TEK: variants seen among roughly 807,000 people sequenced by gnomAD.
TEK encodes angiopoietin-1 receptor.
Under a neutral mutation model 131.8 loss-of-function variants are expected in TEK, and 43 were observed. That is an observed-to-expected ratio of 0.33 (90% confidence interval 0.26 to 0.42). The LOEUF is 0.42. Among genes scored for constraint, TEK ranks in the 10% least tolerant of loss-of-function variants. TEK has a pLI of 1.00. For synonymous variants in TEK, 580 were observed against 491.6 expected, an observed-to-expected ratio of 1.18 and a Z score of -2.38; for missense variants, 1,162 against 1,384.4, an observed-to-expected ratio of 0.84 and a Z score of 2.55.
intron 8 of TEK, among the ~76,000 whole-genome samples, chr9:27,184,635 G>A (rs1361551288): frequency 6.6e-6 from 1 of 152,146 alleles, no homozygotes; most frequent in Non-Finnish European, 1.5e-5. Flanking sequence ...ATTTAGTAAG[G>A]TTGGCCATAA....
At chr9:27,130,626 C>A (rs1458054250) in intron 1 of TEK, among the ~76,000 whole-genome samples, 4 of 121,850 alleles carry the variant, frequency 3.3e-5, no homozygotes, top group African/African-American at 1.2e-4. Flanking sequence ...GATTAAAGTA[C>A]TTTTTTTTTT....
intron 18 of TEK, 53 bp from the exon 19 acceptor site, chr9:27,217,635 G>A (rs1483165935): frequency 7.2e-6 from 11 of 1,534,870 alleles, no homozygotes; most frequent in Non-Finnish European, 9.9e-6. Flanking sequence ...CAGGCTGAGA[G>A]CCTCTTAAAG....
At chr9:27,153,520 G>A (rs1050025716) in intron 1 of TEK, among the ~76,000 whole-genome samples, 1 of 152,196 alleles carries the variant, frequency 6.6e-6, no homozygotes, top group Non-Finnish European at 1.5e-5. Flanking sequence ...CTTATAAGAT[G>A]TATGATATTA....
At chr9:27,227,144 T>C (rs1442893921) in intron 21 of TEK, among the ~76,000 whole-genome samples, 1 of 152,196 alleles carries the variant, frequency 6.6e-6, no homozygotes, top group Non-Finnish European at 1.5e-5. Context: ...AAGCCAATGG[T>C]TGATAGCCTT....
rs112434503 is a variant in TEK, at chr9:27,207,127, G to C, written c.2575+335G>C. Among the ~76,000 whole-genome samples the C allele has an allele frequency of 9.8e-3, 1,489 of 152,334 alleles. 14 individuals carry two copies. The highest frequency in any genetic ancestry group is 0.015 in the Non-Finnish European group (1,052 of 68,024). On this transcript the variant is annotated intron_variant, in intron 15 of 22. Coordinates refer to ENST00000380036, the MANE Select transcript of TEK (RefSeq NM_000459.5). Reference sequence around the variant, plus strand: ...AGTGTGCATCAGAATCACCTGGAAGGCTTGTTTAAAAACAGGCTGTTGGGC... The same window carrying C: ...AGTGTGCATCAGAATCACCTGGAAGCCTTGTTTAAAAACAGGCTGTTGGGC...
At chr9:27,204,031 T>C (rs1346013609) in intron 13 of TEK, among the ~76,000 whole-genome samples, 2 of 152,210 alleles carry the variant, frequency 1.3e-5, no homozygotes, top group African/African-American at 2.4e-5. Flanking sequence ...GGTCACACTC[T>C]TAGTGAATGC....
intron 2 of TEK, among the ~76,000 whole-genome samples, chr9:27,160,836 G>C (rs199897389): frequency 6.6e-6 from 1 of 152,230 alleles, no homozygotes; most frequent in East Asian, 1.9e-4. Context: ...GTTGAGGGAA[G>C]AGAGGTTGAA....
chr9:27,222,518 T>C (rs1413653717), intron 21 of TEK, among the ~76,000 whole-genome samples: 2 of 152,188 alleles, frequency 1.3e-5, no homozygotes, highest in African/African-American at 4.8e-5. Flanking sequence ...TAGACCTCTC[T>C]GTAGAAACCC....
intron 11 of TEK, among the ~76,000 whole-genome samples, 153 bp downstream of exon 11, chr9:27,192,776 C>T (rs916552158): frequency 6.6e-6 from 1 of 152,084 alleles, no homozygotes; most frequent in Non-Finnish European, 1.5e-5. Context: ...GGGAAAGTGA[C>T]AGGAAGGCTA....
intron 21 of TEK, among the ~76,000 whole-genome samples, chr9:27,223,936 C>T (rs1414690958): frequency 1.3e-5 from 2 of 152,196 alleles, no homozygotes; most frequent in East Asian, 3.8e-4. Flanking sequence ...GATATCACCA[C>T]TGATCCCACA....
At chr9:27,213,951 G>GA (rs2131230756) in intron 18 of TEK, among the ~76,000 whole-genome samples, 1 of 152,130 alleles carries the variant, frequency 6.6e-6, no homozygotes. Context: ...ACACAGCAAG[G>GA]AAAAAAATTA....
intron 1 of TEK, among the ~76,000 whole-genome samples, chr9:27,137,598 T>TA (rs1822519373): frequency 6.6e-6 from 1 of 152,154 alleles, no homozygotes; most frequent in Non-Finnish European, 1.5e-5. Flanking sequence ...TTATATTTCC[T>TA]AATAAAAATC....
At chr9:27,113,183 C>G (rs1157417734) in intron 1 of TEK, among the ~76,000 whole-genome samples, 2 of 152,216 alleles carry the variant, frequency 1.3e-5, no homozygotes, top group Non-Finnish European at 2.9e-5. Context: ...TTTAATTTCT[C>G]TAAGCCACAT....
Position 27,229,641 on chromosome 9 carries a change from C to G in TEK, c.*409C>G, listed in dbSNP as rs1826484559. ...AGTAAAATATTGTTAATAAACCTAA[C>G]AATGACCCTGATAGTACAGGTTAAG... On this transcript the variant is annotated 3_prime_UTR_variant, in exon 23 of 23. Coordinates refer to ENST00000380036, the MANE Select transcript of TEK (RefSeq NM_000459.5). 1 of 244,272 alleles carries G rather than the reference C, an allele frequency of 4.1e-6. No individual in the cohort carries two copies. Among genetic ancestry groups the G allele is most frequent in the Non-Finnish European group, 8.1e-6 (1 of 123,140 alleles). The allele number at this position is 244,272 out of a possible 1,614,324, so 15.1% of individuals were successfully genotyped here.
intron 1 of TEK, among the ~76,000 whole-genome samples, chr9:27,110,638 T>C (rs575383415): frequency 6.6e-6 from 1 of 152,306 alleles, no homozygotes; most frequent in African/African-American, 2.4e-5. Context: ...TTGATTCGAG[T>C]ATACATAAGT....
rs569588836 is a variant in TEK, at chr9:27,150,662, G to A, written c.53-7169G>A. 1.8e-4 allele frequency among the ~76,000 whole-genome samples: 27 copies of A among 152,192 alleles called. No individual in the cohort carries two copies. The South Asian group carries it at 4.6e-3, about 26-fold the overall frequency. On this transcript the variant is annotated intron_variant, in intron 1 of 22. Transcript: ENST00000380036. Reference sequence around the variant, plus strand: ...CCAAGCAGTCTGTAAAACCTCTTCCGGTGTAAACAATCCTTGATTTGATGG... The same window carrying A: ...CCAAGCAGTCTGTAAAACCTCTTCCAGTGTAAACAATCCTTGATTTGATGG...
chr9:27,220,067 G>T lies in TEK; in HGVS notation c.3122G>T (p.Gly1041Val). ...CTTCCAGGAGGCACACCCTACTGCGGGATGACTTGTGCAGAACTCTACGAG... is the reference window on the plus strand; with the variant it reads ...CTTCCAGGAGGCACACCCTACTGCGTGATGACTTGTGCAGAACTCTACGAG... Reference protein sequence around the residue: ...IVSLGGTPYCGMTCAELYEKL... With the variant: ...IVSLGGTPYCVMTCAELYEKL... The change falls in exon 21 of 23, where the codon GGG becomes GTG. Residue 1041 changes from glycine (G) to valine (V), a missense_variant. Around this residue, in one of 6 missense-constraint regions of TEK, gnomAD observed 107 missense variants for 173.9 expected, o/e 0.62. Transcript: ENST00000380036. The T allele has an allele frequency of 6.2e-7, 1 of 1,614,060 alleles. No homozygotes were observed. The highest frequency in any genetic ancestry group is 8.5e-7 in the Non-Finnish European group (1 of 1,179,986).
intron 12 of TEK, among the ~76,000 whole-genome samples, chr9:27,200,069 T>G (rs1825164437): frequency 6.6e-6 from 1 of 152,216 alleles, no homozygotes; most frequent in Non-Finnish European, 1.5e-5. Context: ...TCTTATTTAT[T>G]CACATATGGC....
At position 27,228,273 on chromosome 9, in the gene TEK, G is replaced by A. The variant is rs774194740; in HGVS notation, c.3268G>A (p.Val1090Met). 5.6e-6 allele frequency: 9 copies of A among 1,613,018 alleles called. No homozygotes were observed. Among genetic ancestry groups the A allele is most frequent in the Non-Finnish European group, 6.8e-6 (8 of 1,179,216 alleles). ...GAGGCCATCATTTGCCCAGATATTG[G>A]TGTCCTTAAACAGAATGTTAGAGGA... Reference protein sequence around the residue: ...YERPSFAQILVSLNRMLEERK... With the variant: ...YERPSFAQILMSLNRMLEERK... Residue 1090 changes from valine to methionine, a missense_variant, in exon 22 of 23, where the codon GTG becomes ATG. Val to Met is a conservative substitution (Grantham distance 21, BLOSUM62 1). Transcript: ENST00000380036.
Sources: gnomAD v4.1 joint callset for allele counts (sites outside exome capture counted in the v4.1 genomes callset) on GRCh38, gnomAD v4.1.1 for gene constraint, gnomAD v4.1.1 regional missense constraint, MANE v1.5 for transcripts, NCBI Gene and HGNC (gene_info 2026-07-23, HGNC 2026-07-21) for gene names.